The following DNTT variants were observed in gnomAD, a reference collection of about 807,000 sequenced individuals.
The protein encoded by DNTT is DNA nucleotidylexotransferase, also known as nucleosidetriphosphate:DNA deoxynucleotidylexotransferase.
A neutral mutation model predicts 60.9 loss-of-function variants in DNTT; 47 were observed. The observed-to-expected ratio is 0.77, with a 90% CI of 0.61 to 0.98. DNTT has a LOEUF of 0.98. DNTT is among the 50% of genes least tolerant of loss of function. The pLI, the probability that DNTT is intolerant of heterozygous loss-of-function variation, is 0.00. For missense variants in DNTT, 665 were observed against 627.5 expected (o/e 1.06, Z -0.64); for synonymous variants, 224 against 221.2 (o/e 1.01, Z -0.11).
intron 9 of DNTT, among the ~76,000 whole-genome samples, chr10:96,332,970 A>G (rs1845025868): frequency 6.6e-6 from 1 of 152,210 alleles, no homozygotes; most frequent in African/African-American, 2.4e-5. Context: ...TAGGAGAACC[A>G]CTGAAGTACA....
rs1845017083 is a variant in DNTT at position 96,332,400 on chromosome 10, G to A, written c.1163G>A (p.Arg388Lys). ...DLVESTFEKLRLPSRKVDALD... is the reference protein window; with the variant it reads ...DLVESTFEKLKLPSRKVDALD... ...GTGGAGTCAACATTTGAAAAGCTCA[G>A]GTTGCCTAGCAGGAAGGTTGATGCT... Residue 388 changes from arginine (R) to lysine (K), a missense_variant, in exon 9 of 11, where the codon AGG becomes AAG. By Grantham distance (26) the Arg-to-Lys change is conservative. Coordinates refer to ENST00000371174, the MANE Select transcript of DNTT (RefSeq NM_004088.4). 2 of 1,614,022 alleles carry A rather than the reference G, an allele frequency of 1.2e-6. No individual in the cohort carries two copies. The highest frequency in any genetic ancestry group is 1.7e-5 in the Admixed American group (1 of 60,006).
chr10:96,332,189 C>G (rs1845014217), intron 8 of DNTT, among the ~76,000 whole-genome samples, 162 bp from the exon 9 acceptor site: 1 of 152,236 alleles, frequency 6.6e-6, no homozygotes, highest in Non-Finnish European at 1.5e-5. Context: ...CAACCACTTT[C>G]TTAGTGTTTT....
intron 1 of DNTT, among the ~76,000 whole-genome samples, chr10:96,310,266 A>G (rs1356796112): frequency 6.6e-6 from 1 of 152,018 alleles, no homozygotes; most frequent in African/African-American, 2.4e-5. Flanking sequence ...CATCCTTCCC[A>G]CTTTAACTAG....
intron 8 of DNTT, 61 bp downstream of exon 8, chr10:96,328,891 C>G (rs112656942): frequency 6.6e-7 from 1 of 1,504,718 alleles, no homozygotes; most frequent in Non-Finnish European, 9.1e-7. Flanking sequence ...TTGAATTTTG[C>G]ACATTACTTG....
chr10:96,327,376 C>T (rs1213890133), intron 6 of DNTT, 92 bp from the exon 7 acceptor site: 1 of 1,574,942 alleles, frequency 6.3e-7, no homozygotes, highest in Non-Finnish European at 8.7e-7. Context: ...GTCATGTTAG[C>T]TCTATCGTGG....
At chr10:96,316,600 C>T (rs1365216862) in intron 1 of DNTT, among the ~76,000 whole-genome samples, 3 of 152,176 alleles carry the variant, frequency 2.0e-5, no homozygotes, top group African/African-American at 4.8e-5. Context: ...CTCTCCACTC[C>T]AACCCAGGCC....
intron 9 of DNTT, among the ~76,000 whole-genome samples, chr10:96,332,870 A>G (rs912129837): frequency 6.6e-6 from 1 of 152,368 alleles, no homozygotes; most frequent in South Asian, 2.1e-4. Context: ...ACCCCACTCC[A>G]AACCTATGGA....
intron 4 of DNTT, among the ~76,000 whole-genome samples, chr10:96,322,017 G>A (rs1253164243): frequency 1.3e-5 from 2 of 152,128 alleles, no homozygotes; most frequent in Non-Finnish European, 2.9e-5. Flanking sequence ...CCACCTGGGG[G>A]CGCCACCTTA....
intron 8 of DNTT, among the ~76,000 whole-genome samples, chr10:96,329,974 C>T (rs1422053994): frequency 6.6e-6 from 1 of 152,186 alleles, no homozygotes; most frequent in Non-Finnish European, 1.5e-5. Context: ...GAAATGCCTC[C>T]TCCTAGTCAG....
At position 96,327,558 on chromosome 10, in the gene DNTT, T is replaced by A. The variant is rs1337287157; in HGVS notation, c.965T>A (p.Phe322Tyr). 2.5e-6 allele frequency: 4 copies of A among 1,614,016 alleles called. No individual in the cohort carries two copies. Among genetic ancestry groups the A allele is most frequent in the Admixed American group, 1.7e-5 (1 of 60,024 alleles). Residue 322 changes from phenylalanine to tyrosine, a missense_variant, in exon 7 of 11, where the codon TTT (phenylalanine) becomes TAT (tyrosine). Physicochemically the swap from Phe to Tyr is conservative, Grantham distance 22 (BLOSUM62 3). Transcript: ENST00000371174. ...SVLVKEAVWA[F>Y]LPDAFVTMTG... ...CTGGTTAAAGAGGCTGTCTGGGCATTTCTTCCGGATGCTTTCGTCACCATG... is the reference window on the plus strand; with the variant it reads ...CTGGTTAAAGAGGCTGTCTGGGCATATCTTCCGGATGCTTTCGTCACCATG...
Position 96,320,789 on chromosome 10 carries a change from G to A in DNTT, c.678+1G>A. On this transcript the variant is annotated splice_donor_variant, in intron 4 of 10. Transcript: ENST00000371174. LOFTEE classifies it high-confidence loss of function. ...GTCCAAGGTGAAGGGTATCATAGAGGTAAGGGTGAAATGGGATTTGTCCCA... is the reference window on the plus strand; with the variant it reads ...GTCCAAGGTGAAGGGTATCATAGAGATAAGGGTGAAATGGGATTTGTCCCA... 1 of 1,613,452 alleles carries A rather than the reference G, an allele frequency of 6.2e-7. No homozygotes were observed. Among genetic ancestry groups the A allele is most frequent in the Non-Finnish European group, 8.5e-7 (1 of 1,179,566 alleles).
intron 8 of DNTT, 108 bp downstream of exon 8, chr10:96,328,938 A>C: frequency 3.5e-6 from 4 of 1,143,042 alleles, no homozygotes; most frequent in Non-Finnish European, 4.9e-6. Flanking sequence ...ATCAATTCTC[A>C]ATTATTTGTG....
At chr10:96,315,737 A>T (rs10882771) in intron 1 of DNTT, among the ~76,000 whole-genome samples, 102,085 of 150,560 alleles carry the variant, frequency 0.68, 37,685 homozygotes, top group Non-Finnish European at 0.84. Context: ...ATATTATAAT[A>T]AATAATAATG....
chr10:96,335,780 C>G, intron 9 of DNTT, 111 bp from the exon 10 acceptor site: 2 of 1,273,920 alleles, frequency 1.6e-6, no homozygotes, highest in South Asian at 1.2e-5. Context: ...GGAGGAAAAT[C>G]ACTTTGAGAA....
At chr10:96,308,017 C>T (rs889987590) in intron 1 of DNTT, among the ~76,000 whole-genome samples, 1 of 151,850 alleles carries the variant, frequency 6.6e-6, no homozygotes, top group Non-Finnish European at 1.5e-5. Context: ...CAAAGGATTA[C>T]AGGTGTGAGC....
chr10:96,324,114 C>T, intron 5 of DNTT, 152 bp from the exon 6 acceptor site: 1 of 1,009,502 alleles, frequency 9.9e-7, no homozygotes, highest in African/African-American at 1.6e-5. Context: ...TTAAAAATAA[C>T]CATCACCCAC....
chr10:96,338,400 G>A lies in DNTT; in HGVS notation c.*176G>A. The A allele has an allele frequency of 1.8e-6, 1 of 545,746 alleles. No homozygotes were observed. The highest frequency in any genetic ancestry group is 3.1e-5 in the East Asian group (1 of 32,564). 33.8% of individuals were successfully genotyped at this position (545,746 alleles called of 1,614,324 possible). A position where few individuals can be genotyped will look rare whatever the true frequency, so the allele number is the denominator to read the frequency against. On this transcript the variant is annotated 3_prime_UTR_variant, in exon 11 of 11. Coordinates refer to ENST00000371174, the MANE Select transcript of DNTT (RefSeq NM_004088.4). Reference sequence around the variant, plus strand: ...GAAGGTGCCACTGGTAATGGGTAAGGTTCTAATAGGCCATGTTTATGACTG... The same window carrying A: ...GAAGGTGCCACTGGTAATGGGTAAGATTCTAATAGGCCATGTTTATGACTG...
At chr10:96,316,457 G>A (rs1220901974) in intron 1 of DNTT, among the ~76,000 whole-genome samples, 1 of 152,096 alleles carries the variant, frequency 6.6e-6, no homozygotes, top group African/African-American at 2.4e-5. Context: ...TCAATGTTCT[G>A]CTCACAAAAG....
At chr10:96,324,024 G>A (rs1844910146) in intron 5 of DNTT, among the ~76,000 whole-genome samples, 1 of 152,172 alleles carries the variant, frequency 6.6e-6, no homozygotes, top group Admixed American at 6.5e-5. Flanking sequence ...CTGCACAGGT[G>A]CCAGAACCTG....
Sources: allele counts gnomAD v4.1 joint callset (sites outside exome capture counted in the v4.1 genomes callset), GRCh38; gene constraint gnomAD v4.1.1; transcripts MANE v1.5; gene names NCBI Gene and HGNC (gene_info 2026-07-23, HGNC 2026-07-21).